Variants in ZBBX observed in about 807,000 individuals in gnomAD.
ZBBX encodes the protein zinc finger B-box domain-containing protein 1.
A neutral mutation model predicts 108.5 loss-of-function variants in ZBBX; 101 were observed. The observed-to-expected ratio is 0.93, with a 90% CI of 0.79 to 1.10. The LOEUF (loss-of-function observed/expected upper bound fraction) is 1.10, where lower values mean the gene tolerates loss of function less well. ZBBX is among the 50% of genes least tolerant of loss of function. ZBBX has a pLI of 0.00. For synonymous variants in ZBBX, 356 were observed against 323.4 expected, an observed-to-expected ratio of 1.10 and a Z score of -1.08; for missense variants, 1,009 against 941.4, an observed-to-expected ratio of 1.07 and a Z score of -0.94.
the ZBBX span, among the ~76,000 whole-genome samples, chr3:167,191,930 T>TAGAGAGAGAG: frequency 6.8e-4 from 87 of 127,260 alleles, no homozygotes; most frequent in African/African-American, 2.8e-3. Context: ...TATATATATA[T>TAGAGAGAGAG]ATATAGAGCA....
intron 1 of ZBBX, among the ~76,000 whole-genome samples, chr3:167,402,154 C>T (rs1035384531): frequency 1.3e-5 from 2 of 152,148 alleles, no homozygotes; most frequent in Non-Finnish European, 2.9e-5. Context: ...CAGTCATTCT[C>T]TCCACCTTAT....
At chr3:167,407,064 A>C (rs1748607093) in intron 1 of ZBBX, among the ~76,000 whole-genome samples, 1 of 152,210 alleles carries the variant, frequency 6.6e-6, no homozygotes, top group Non-Finnish European at 1.5e-5. Flanking sequence ...AAGTGGTCAC[A>C]GAGTTAATGC....
the ZBBX span, among the ~76,000 whole-genome samples, chr3:167,204,198 C>CTTTTTTTTT: frequency 1.5e-4 from 18 of 118,084 alleles, no homozygotes; most frequent in African/African-American, 3.3e-4. Context: ...TTCTTTTTTT[C>CTTTTTTTTT]TTTTTTTTTT....
At chr3:167,242,393 T>C in intron 21 of ZBBX, 112 bp downstream of exon 21, 2 of 879,770 alleles carry the variant, frequency 2.3e-6, no homozygotes, top group South Asian at 2.6e-5. Context: ...AATGATCATA[T>C]AAAGTATACA....
At chr3:167,385,888 C>G (rs775922336) in intron 1 of ZBBX, among the ~76,000 whole-genome samples, 1 of 151,974 alleles carries the variant, frequency 6.6e-6, no homozygotes, top group African/African-American at 2.4e-5. Flanking sequence ...TTAGTTCCAC[C>G]CAAGGATTGA....
chr3:167,261,343 G>A (rs1724473240), intron 20 of ZBBX, among the ~76,000 whole-genome samples: 1 of 151,792 alleles, frequency 6.6e-6, no homozygotes, highest in African/African-American at 2.4e-5. Flanking sequence ...AGATCATCAG[G>A]TGTGGTAGTA....
chr3:167,305,131 C>T (rs905876865), intron 17 of ZBBX, among the ~76,000 whole-genome samples: 4 of 151,926 alleles, frequency 2.6e-5, no homozygotes, highest in Non-Finnish European at 5.9e-5. Context: ...CAATAATGAG[C>T]TACTTTACCT....
At position 167,310,027 on chromosome 3, in the gene ZBBX, T is replaced by C. The variant is rs370870543; in HGVS notation, c.1417+3947A>G. ...ACAGCCAGGTCACATCTTGAATGCTTTGTTTTGCTGCTTAGAAATTCCTTC... is the reference window on the plus strand; with the variant it reads ...ACAGCCAGGTCACATCTTGAATGCTCTGTTTTGCTGCTTAGAAATTCCTTC... On this transcript the variant is annotated intron_variant, in intron 16 of 21. Transcript: ENST00000675490. 1.8e-4 allele frequency among the ~76,000 whole-genome samples: 28 copies of C among 152,298 alleles called. No individual in the cohort carries two copies. The East Asian group carries it at 4.8e-3, about 26-fold the overall frequency.
intron 11 of ZBBX, among the ~76,000 whole-genome samples, chr3:167,325,994 A>G (rs934296273): frequency 6.6e-6 from 1 of 152,186 alleles, no homozygotes; most frequent in African/African-American, 2.4e-5. Flanking sequence ...CCAGTTTGAC[A>G]ATATTCATTA....
At chr3:167,401,666 C>A (rs945742306) in intron 1 of ZBBX, among the ~76,000 whole-genome samples, 3 of 152,098 alleles carry the variant, frequency 2.0e-5, no homozygotes, top group Non-Finnish European at 2.9e-5. Flanking sequence ...TCACTCATCA[C>A]CATCTTGGTT....
At chr3:167,297,167 A>C (rs531782505) in intron 18 of ZBBX, among the ~76,000 whole-genome samples, 70 of 152,146 alleles carry the variant, frequency 4.6e-4, no homozygotes, top group Non-Finnish European at 8.4e-4. Flanking sequence ...GAATTGCTAA[A>C]TCAAGTTAAT....
chr3:167,253,349 A>G (rs761846764), intron 20 of ZBBX, among the ~76,000 whole-genome samples: 1 of 152,196 alleles, frequency 6.6e-6, no homozygotes, highest in African/African-American at 2.4e-5. Flanking sequence ...GTAGGTGAAA[A>G]GAAGTAAGGA....
chr3:167,284,828 C>A (rs1418738253), intron 19 of ZBBX, among the ~76,000 whole-genome samples: 1 of 152,008 alleles, frequency 6.6e-6, no homozygotes, highest in Admixed American at 6.6e-5. Context: ...GTTTATTGTT[C>A]TTTTAAGCCA....
At chr3:167,191,622 C>T in the ZBBX span, among the ~76,000 whole-genome samples, 1 of 152,018 alleles carries the variant, frequency 6.6e-6, no homozygotes, top group East Asian at 1.9e-4. Flanking sequence ...ACTTGCTCTT[C>T]CTTGGCTTCC....
chr3:167,276,915 C>G (rs9714234), intron 20 of ZBBX, among the ~76,000 whole-genome samples: 50,263 of 151,698 alleles, frequency 0.33, 8,738 homozygotes, highest in East Asian at 0.66. Flanking sequence ...ACTCTACAAG[C>G]CAGAAGAGAG....
chr3:167,365,817 A>G (rs1745230267), intron 6 of ZBBX, 69 bp downstream of exon 6: 3 of 1,117,060 alleles, frequency 2.7e-6, no homozygotes, highest in African/African-American at 3.1e-5. Context: ...ATAGAAGAAA[A>G]TGCAAGACCT....
At chr3:167,255,785 T>TTA (rs1723402540) in intron 20 of ZBBX, among the ~76,000 whole-genome samples, 1 of 152,108 alleles carries the variant, frequency 6.6e-6, no homozygotes, top group Non-Finnish European at 1.5e-5. Context: ...TCCCCAGGCA[T>TTA]TACGCTTTTG....
At chr3:167,263,003 T>C (rs903641264) in intron 20 of ZBBX, among the ~76,000 whole-genome samples, 2 of 151,796 alleles carry the variant, frequency 1.3e-5, no homozygotes, top group Non-Finnish European at 2.9e-5. Flanking sequence ...TTCCACTAAT[T>C]TGAGGTTTGG....
intron 8 of ZBBX, among the ~76,000 whole-genome samples, chr3:167,350,792 T>A (rs1322885166): frequency 6.6e-6 from 1 of 152,002 alleles, no homozygotes; most frequent in African/African-American, 2.4e-5. Flanking sequence ...TTGGGGTGTA[T>A]ATTTTAGATG....
Sources: allele counts gnomAD v4.1 joint callset (sites outside exome capture counted in the v4.1 genomes callset), GRCh38; gene constraint gnomAD v4.1.1; transcripts MANE v1.5; gene names NCBI Gene and HGNC (gene_info 2026-07-23, HGNC 2026-07-21).